The following MTMR4 variants were observed in gnomAD, a reference collection of about 807,000 sequenced individuals.
MTMR4 encodes myotubularin related protein 4, also known as phosphatidylinositol-3,5-bisphosphate 3-phosphatase MTMR4.
MTMR4 carries 30 observed loss-of-function variants against 125.5 expected under a neutral mutation model. The observed-to-expected ratio is 0.24, with a 90% confidence interval of 0.18 to 0.32. The LOEUF (loss-of-function observed/expected upper bound fraction) is 0.32. Among genes scored for constraint, MTMR4 ranks in the 10% least tolerant of loss-of-function variants. The probability of loss-of-function intolerance (pLI) is 1.00; values close to 1 mark genes in which losing one functional copy is unlikely to be tolerated. For synonymous variants in MTMR4, 498 were observed against 564.5 expected (o/e 0.88, Z 1.67); for missense variants, 1,039 against 1,511.5 (o/e 0.69, Z 5.18).
upstream of MTMR4, among the ~76,000 whole-genome samples, chr17:58,517,586 C>T (rs1290097300): frequency 6.6e-6 from 1 of 152,260 alleles, no homozygotes; most frequent in African/African-American, 2.4e-5. Context: ...AGGATCAGGC[C>T]TGGGAGGCCC....
chr17:58,497,408 G>A (rs1018292811), intron 14 of MTMR4, among the ~76,000 whole-genome samples: 3 of 152,086 alleles, frequency 2.0e-5, no homozygotes, highest in Non-Finnish European at 2.9e-5. Flanking sequence ...CATAGGCAGG[G>A]TTCAAATCCC....
chr17:58,495,812 T>C lies in MTMR4; in HGVS notation c.2372A>G (p.Asn791Ser). 6.2e-7 allele frequency: 1 copy of C among 1,614,052 alleles called. No individual in the cohort carries two copies. Among genetic ancestry groups the C allele is most frequent in the East Asian group, 2.2e-5 (1 of 44,876 alleles). Residue 791 changes from asparagine to serine, a missense_variant, in exon 15 of 18, where the codon AAT becomes AGT. This residue lies in a region of MTMR4 where 619 missense variants were observed against 714.5 expected (regional missense o/e 0.87). Coordinates refer to ENST00000682306, the MANE Select transcript of MTMR4 (RefSeq NM_001378067.1). ...VISNKCDGVC[N>S]FPESSQNSPT... is the part of the protein sequence containing the mutation. ...AGAGTTCTGGGAAGACTCAGGAAAA[T>C]TACAAACTCCATCACACTTGTTAGA...
rs1446832369 is a variant in MTMR4 at position 58,492,502 on chromosome 17, A to G, written c.3452+9T>C. ...TTTTTGTCATACTAAATCATACAAA[A>G]CATCTTACCTGCAATGGTGTCTTCG... On this transcript the variant is annotated intron_variant, in intron 17 of 17. Coordinates refer to ENST00000682306, the MANE Select transcript of MTMR4 (RefSeq NM_001378067.1). 1.2e-6 allele frequency: 2 copies of G among 1,613,370 alleles called. No homozygotes were observed. The highest frequency in any genetic ancestry group is 2.2e-5 in the South Asian group (2 of 91,008).
chr17:58,495,424 G>T lies in MTMR4; in HGVS notation c.2760C>A (p.Asn920Lys), dbSNP rs1975436198. 4.3e-6 allele frequency: 7 copies of T among 1,614,254 alleles called. No homozygotes were observed. The highest frequency in any genetic ancestry group is 5.9e-6 in the Non-Finnish European group (7 of 1,180,048). Residue 920 changes from asparagine to lysine, a missense_variant, in exon 15 of 18, where the codon AAC becomes AAA. By Grantham distance (94) the Asn-to-Lys change is moderately conservative. Transcript: ENST00000682306. ...TCACCATCCCTTGGAAGCTGTCCCA[G>T]TTGGACCCTAGAAAAGAGAACTCAC... ...QISEFSFLGS[N>K]WDSFQGMVTS...
rs1975720242 is a variant in MTMR4, at chr17:58,504,270, C to T, written c.1527+33G>A. ...CTGGGGGCCTCGGGCTGTCATTCCC[C>T]CCATCCCTGTTGTCACAGGCCTTAG... On this transcript the variant is annotated intron_variant, in intron 12 of 17. Transcript: ENST00000682306. The surrounding 1 kb of genome is among the most constrained non-coding windows in gnomAD (Gnocchi z 7.1). 1.9e-6 allele frequency: 3 copies of T among 1,606,110 alleles called. No individual in the cohort carries two copies. In the East Asian group the frequency reaches 6.7e-5, roughly 36 times the overall value.
In MTMR4 at chr17:58,495,756, C is replaced by A. The variant is rs200401890; in HGVS notation, c.2428G>T (p.Asp810Tyr). Residue 810 changes from aspartate to tyrosine, a missense_variant, in exon 15 of 18, where the codon GAC (aspartate) becomes TAC (tyrosine). Asp to Tyr is a radical substitution (Grantham distance 160, BLOSUM62 -3). Coordinates refer to ENST00000682306, the MANE Select transcript of MTMR4 (RefSeq NM_001378067.1). ...TTGGAGGGCACACCTAGCATGGAGTCTGGCTGGGCCTGTTGGGGCGTACCT... is the reference window on the plus strand; with the variant it reads ...TTGGAGGGCACACCTAGCATGGAGTATGGCTGGGCCTGTTGGGGCGTACCT... ...PTGTPQQAQP[D>Y]SMLGVPSKCV... 60 of 1,614,156 alleles carry A rather than the reference C, an allele frequency of 3.7e-5. No individual in the cohort carries two copies. In the East Asian group the frequency reaches 1.3e-3, roughly 36 times the overall value.
chr17:58,492,272 A>G (rs754963357), intron 17 of MTMR4, among the ~76,000 whole-genome samples: 12 of 152,134 alleles, frequency 7.9e-5, no homozygotes, highest in Non-Finnish European at 1.5e-4. Context: ...CCCTGGTTCG[A>G]GCTATTCTCC....
rs113112976 is a variant in MTMR4 at position 58,504,965 on chromosome 17, C to T, written c.1155G>A (p.Ser385=). The stretch of plus-strand genomic sequence containing the variant: ...GCAGCCATTTGGTACTCTCCAGTGC[C>T]GACAACCAGCTACACAAAAGCAGAC... ...SQMPDPSNWL[S]ALESTKWLQH... The change falls in exon 11 of 18, where the codon TCG becomes TCA. Residue 385 remains serine (S), a synonymous_variant. Transcript: ENST00000682306. This position sits in a 1 kb window ranked among gnomAD's most constrained non-coding sequence, Gnocchi z 7.1. The T allele has an allele frequency of 1.2e-5, 19 of 1,600,184 alleles. No individual in the cohort carries two copies. In the Admixed American group the frequency reaches 1.9e-4, roughly 16 times the overall value.
chr17:58,489,999 T>A lies in MTMR4; in HGVS notation c.*1664A>T, dbSNP rs971609035. 1.3e-5 allele frequency: 2 copies of A among 152,626 alleles called. No individual in the cohort carries two copies. Among genetic ancestry groups the A allele is most frequent in the African/African-American group, 2.4e-5 (1 of 41,440 alleles). 9.5% of individuals were successfully genotyped at this position (152,626 alleles called of 1,614,324 possible). A position where few individuals can be genotyped will look rare whatever the true frequency, so the allele number is the denominator to read the frequency against. On this transcript the variant is annotated 3_prime_UTR_variant, in exon 18 of 18. Transcript: ENST00000682306. ...ACAAAATCTCCATTATTCAGCTCCA[T>A]TTAAATGAAAAAAAAAGTTCCGCTA...
intron 7 of MTMR4, chr17:58,507,918 TACACACACACACAC>T (rs57157273): frequency 1.2e-4 from 41 of 342,468 alleles, no homozygotes; most frequent in Non-Finnish European, 1.4e-4. Context: ...TACTATTTTA[TACACACACACACAC>T]ACACACACAC....
At chr17:58,492,741 C>A in intron 16 of MTMR4, 101 bp downstream of exon 16, 1 of 1,348,120 alleles carries the variant, frequency 7.4e-7, no homozygotes, top group African/African-American at 1.4e-5. Context: ...GCTGACACTC[C>A]TCTGGGGGAC....
intron 15 of MTMR4, 74 bp from the exon 16 acceptor site, chr17:58,493,026 G>A: frequency 8.6e-7 from 1 of 1,156,540 alleles, no homozygotes; most frequent in Admixed American, 1.8e-5. Flanking sequence ...GTCAGGCACT[G>A]TGCTAAGTGC....
At position 58,504,678 on chromosome 17, in the gene MTMR4, A is replaced by C. The variant is rs941111906; in HGVS notation, c.1341+101T>G. On this transcript the variant is annotated intron_variant, in intron 11 of 17. Transcript: ENST00000682306. This position sits in a 1 kb window ranked among gnomAD's most constrained non-coding sequence, Gnocchi z 7.1. ...AAAAAAAAAGAAAAAAAGAGCCACC[A>C]ATGTCCTCTACTGAAAGATCCCCAG... is the stretch of plus-strand genomic sequence containing the variant. 4 of 1,406,062 alleles carry C rather than the reference A, an allele frequency of 2.8e-6. No individual in the cohort carries two copies. The African/African-American group carries it at 5.8e-5, about 20-fold the overall frequency. 87.1% of individuals were successfully genotyped at this position (1,406,062 alleles called of 1,614,324 possible).
At chr17:58,507,370 G>A in intron 7 of MTMR4, 51 bp from the exon 8 acceptor site, 2 of 1,564,630 alleles carry the variant, frequency 1.3e-6, no homozygotes, top group Non-Finnish European at 1.7e-6. Context: ...AGCCTCCAGA[G>A]GCCTACCTCA....
chr17:58,514,559 G>C lies in MTMR4; in HGVS notation c.-152C>G. 1 of 985,156 alleles carries C rather than the reference G, an allele frequency of 1.0e-6. No individual in the cohort carries two copies. The highest frequency in any genetic ancestry group is 1.2e-6 in the Non-Finnish European group (1 of 829,870). The allele number at this position is 985,156 out of a possible 1,614,324, so 61.0% of individuals were successfully genotyped here. A position where few individuals can be genotyped will look rare whatever the true frequency, so the allele number is the denominator to read the frequency against. ...GCGCTGGTGGCCGGGCCTCCGCGCG[G>C]CTCCCGCGCGCCTCTCCCCTCCTCT... On this transcript the variant is annotated 5_prime_UTR_variant, in exon 1 of 18. Transcript: ENST00000682306.
Position 58,504,546 on chromosome 17 carries a change from T to TC in MTMR4, c.1342-59dup, listed in dbSNP as rs2143893434. 2 of 1,568,858 alleles carry TC rather than the reference T, an allele frequency of 1.3e-6. No homozygotes were observed. The highest frequency in any genetic ancestry group is 2.7e-5 in the African/African-American group (2 of 73,228). On this transcript the variant is annotated intron_variant, in intron 11 of 17. Coordinates refer to ENST00000682306, the MANE Select transcript of MTMR4 (RefSeq NM_001378067.1). The surrounding 1 kb of genome is among the most constrained non-coding windows in gnomAD (Gnocchi z 7.1). ...CTCTCTGGAAATGCTGATGTGCTAC[T>TC]CCCCTGGGAACTGCCCAAAGCAGGA...
In MTMR4 at chr17:58,512,009, G is replaced by A. The variant is rs188947075; in HGVS notation, c.252+381C>T. ...CTTTTTTTTTTTTATTTTTTTGAGA[G>A]GTAGTCTCACCCTGTCACCCAAGCT... On this transcript the variant is annotated intron_variant, in intron 3 of 17. Transcript: ENST00000682306. This position sits in a 1 kb window ranked among gnomAD's most constrained non-coding sequence, Gnocchi z 4.1. Among the ~76,000 whole-genome samples the A allele has an allele frequency of 5.8e-3, 877 of 151,582 alleles. 7 individuals are homozygous for A. Among genetic ancestry groups the A allele is most frequent in the Middle Eastern group, 0.031 (9 of 294 alleles).
At chr17:58,506,666 A>C in intron 9 of MTMR4, 77 bp downstream of exon 9, 1 of 1,564,976 alleles carries the variant, frequency 6.4e-7, no homozygotes. Context: ...TCCACTATAC[A>C]AATGGCCCCC....
At chr17:58,515,716 A>T (rs1159021073), upstream of MTMR4, among the ~76,000 whole-genome samples, 1 of 152,220 alleles carries the variant, frequency 6.6e-6, no homozygotes, top group Non-Finnish European at 1.5e-5. Flanking sequence ...TGGGGGCCAA[A>T]ACCAGCAGGC....
Sources: gnomAD v4.1 joint callset for allele counts (sites outside exome capture counted in the v4.1 genomes callset) on GRCh38, gnomAD v4.1.1 for gene constraint, gnomAD v4.1.1 regional missense constraint, Gnocchi (gnomAD v3.1) non-coding constraint, MANE v1.5 for transcripts, NCBI Gene and HGNC (gene_info 2026-07-23, HGNC 2026-07-21) for gene names.